Variants in SLCO1B3 observed in about 807,000 individuals in gnomAD.
SLCO1B3 encodes the protein liver-specific organic anion transporter 2.
SLCO1B3 carries 72 observed loss-of-function variants against 71.8 expected under a neutral mutation model. That is an observed-to-expected ratio of 1.00 (90% CI 0.83 to 1.22). The LOEUF is 1.22. SLCO1B3 is among the 50% of genes most tolerant of loss of function. SLCO1B3 has a pLI of 0.00. For missense variants in SLCO1B3, 911 were observed against 819.7 expected (o/e 1.11, Z -1.36); for synonymous variants, 298 against 278.4 (o/e 1.07, Z -0.70).
chr12:20,855,041 C>G lies in SLCO1B3; in HGVS notation c.98C>G (p.Ala33Gly), dbSNP rs1865104895. 1 of 1,610,518 alleles carries G rather than the reference C, an allele frequency of 6.2e-7. No homozygotes were observed. The highest frequency in any genetic ancestry group is 8.5e-7 in the Non-Finnish European group (1 of 1,179,478). The change falls in exon 4 of 16, where the codon GCC becomes GGC. Residue 33 changes from alanine (A) to glycine (G), a missense_variant. By Grantham distance (60) the Ala-to-Gly change is moderately conservative. Coordinates refer to ENST00000381545, the MANE Select transcript of SLCO1B3 (RefSeq NM_019844.4). ...TATTGTTTTTAGATGTTCTTGGCAG[C>G]CCTGTCATTCAGCTATATTGCTAAA... is the stretch of plus-strand genomic sequence containing the variant. ...RCNGFKMFLA[A>G]LSFSYIAKAL...
At position 20,810,781 on chromosome 12, in the gene SLCO1B3, T is replaced by C. The variant is rs1046017227; in HGVS notation, c.-181+17T>C. On this transcript the variant is annotated intron_variant, in intron 1 of 15. Transcript: ENST00000381545. Reference sequence around the variant, plus strand: ...AAAGTCAAGGTAAGAACCGTCGAGGTTGTCTAATTAAAACATTTCTTTTAT... The same window carrying C: ...AAAGTCAAGGTAAGAACCGTCGAGGCTGTCTAATTAAAACATTTCTTTTAT... 1.3e-5 allele frequency: 2 copies of C among 152,096 alleles called. No homozygotes were observed. Among genetic ancestry groups the C allele is most frequent in the Non-Finnish European group, 2.9e-5 (2 of 68,008 alleles). 9.4% of individuals were successfully genotyped at this position (152,096 alleles called of 1,614,324 possible).
intron 8 of SLCO1B3, among the ~76,000 whole-genome samples, chr12:20,865,756 A>G (rs150869097): frequency 1.2e-3 from 186 of 152,264 alleles, no homozygotes; most frequent in African/African-American, 4.4e-3. Flanking sequence ...ATAATTTACT[A>G]CAATAAAATA....
intron 3 of SLCO1B3, among the ~76,000 whole-genome samples, chr12:20,817,761 T>TTG (rs1864217041): frequency 6.6e-6 from 1 of 151,902 alleles, no homozygotes; most frequent in African/African-American, 2.4e-5. Flanking sequence ...CTAATTTTTT[T>TTG]TTTTATTTGT....
chr12:20,826,971 G>A (rs1466356936), intron 3 of SLCO1B3, among the ~76,000 whole-genome samples: 1 of 152,104 alleles, frequency 6.6e-6, no homozygotes, highest in African/African-American at 2.4e-5. Context: ...ATCATTTAAA[G>A]TTATTTGTCT....
chr12:20,853,216 T>C lies in SLCO1B3; in HGVS notation c.85-1812T>C, dbSNP rs574561848. ...AATATTCACCAGGAATATTTTTCTG[T>C]AGTTTTCTTTTTTTCTGTCTTTATG... On this transcript the variant is annotated intron_variant, in intron 3 of 15. Coordinates refer to ENST00000381545, the MANE Select transcript of SLCO1B3 (RefSeq NM_019844.4). Among the ~76,000 whole-genome samples, 16 of 152,220 alleles carry C rather than the reference T, an allele frequency of 1.1e-4. No homozygotes were observed. In the East Asian group the frequency reaches 2.9e-3, roughly 28 times the overall value.
In SLCO1B3 at chr12:20,880,956, G is replaced by A. The variant is rs745782791; in HGVS notation, c.1433G>A (p.Gly478Glu). 3.7e-6 allele frequency: 6 copies of A among 1,612,578 alleles called. No individual in the cohort carries two copies. The highest frequency in any genetic ancestry group is 5.1e-6 in the Non-Finnish European group (6 of 1,178,824). ...SQWEPVCGNNGITYLSPCLAG... is the reference protein window; with the variant it reads ...SQWEPVCGNNEITYLSPCLAG... ...TGGGAACCAGTCTGTGGGAACAATG[G>A]AATAACTTACCTGTCACCTTGTCTA... is the stretch of plus-strand genomic sequence containing the variant. The change falls in exon 12 of 16, where the codon GGA becomes GAA. Residue 478 changes from glycine to glutamate, a missense_variant. By Grantham distance (98) the Gly-to-Glu change is moderately conservative. Transcript: ENST00000381545.
intron 11 of SLCO1B3, 86 bp from the exon 12 acceptor site, chr12:20,880,769 T>C: frequency 1.2e-6 from 1 of 809,380 alleles, no homozygotes; most frequent in Non-Finnish European, 1.8e-6. Flanking sequence ...CTATTTCCCC[T>C]CTCCTTATCC....
At chr12:20,907,816 T>G (rs1866284978) in intron 15 of SLCO1B3, among the ~76,000 whole-genome samples, 1 of 151,994 alleles carries the variant, frequency 6.6e-6, no homozygotes, top group Admixed American at 6.6e-5. Context: ...GCTGGGAGAT[T>G]TCATTTCTAT....
intron 3 of SLCO1B3, among the ~76,000 whole-genome samples, chr12:20,824,578 A>G (rs998950035): frequency 1.4e-4 from 22 of 152,164 alleles, no homozygotes; most frequent in African/African-American, 5.3e-4. Flanking sequence ...GCATACAGCA[A>G]TTTTCCATAA....
intron 13 of SLCO1B3, among the ~76,000 whole-genome samples, chr12:20,887,912 G>T (rs1218236293): frequency 6.6e-6 from 1 of 151,752 alleles, no homozygotes; most frequent in African/African-American, 2.4e-5. Flanking sequence ...TATGGTGAGA[G>T]ATACGGGTTC....
intron 3 of SLCO1B3, among the ~76,000 whole-genome samples, chr12:20,833,215 A>T (rs1385765796): frequency 6.6e-6 from 1 of 152,006 alleles, no homozygotes; most frequent in Non-Finnish European, 1.5e-5. Flanking sequence ...AGGTCAAGTC[A>T]ATCTCTTTGT....
chr12:20,834,408 T>C (rs1864627151), intron 3 of SLCO1B3, among the ~76,000 whole-genome samples: 3 of 146,376 alleles, frequency 2.0e-5, no homozygotes, highest in South Asian at 4.2e-4. Context: ...ATATATAATA[T>C]AACCTTTGGT....
chr12:20,854,206 T>C (rs1865084183), intron 3 of SLCO1B3, among the ~76,000 whole-genome samples: 1 of 152,186 alleles, frequency 6.6e-6, no homozygotes. Flanking sequence ...GCTCTATTTG[T>C]CTGTTAGGTT....
At chr12:20,863,514 C>A (rs1397976862) in intron 8 of SLCO1B3, among the ~76,000 whole-genome samples, 1 of 152,152 alleles carries the variant, frequency 6.6e-6, no homozygotes, top group Non-Finnish European at 1.5e-5. Flanking sequence ...TATACCTTCA[C>A]CATATCCATA....
intron 3 of SLCO1B3, among the ~76,000 whole-genome samples, chr12:20,850,261 TTTATTTA>T (rs1864998715): frequency 3.3e-5 from 4 of 119,620 alleles, no homozygotes; most frequent in Admixed American, 1.6e-4. Flanking sequence ...TATTATTTTA[TTTATTTA>T]TTTATTTATT....
Position 20,861,137 on chromosome 12 carries a change from AG to A in SLCO1B3, c.481+1del. The A allele has an allele frequency of 1.3e-6, 2 of 1,578,742 alleles. No homozygotes were observed. The highest frequency in any genetic ancestry group is 1.7e-6 in the Non-Finnish European group (2 of 1,164,220). ...GAACATCACCTGAGATAGTAGAAAA[AG>A]GTAAGAATTAATAGTGACAGTAAAA... ...NGTSPEIVEKDCVKESGSHMW... is the reference protein window; with the variant it reads ...NGTSPEIVEKXCVKESGSHMW... On this transcript the variant is annotated frameshift_variant and splice_region_variant, in exon 6 of 16. Coordinates refer to ENST00000381545, the MANE Select transcript of SLCO1B3 (RefSeq NM_019844.4). LOFTEE classifies it high-confidence loss of function.
intron 3 of SLCO1B3, among the ~76,000 whole-genome samples, chr12:20,824,977 C>A (rs186748305): frequency 1.8e-4 from 28 of 152,064 alleles, no homozygotes; most frequent in African/African-American, 6.5e-4. Context: ...AGGCAAAAAT[C>A]TTTATTTTTT....
rs1865648091 is a variant in SLCO1B3, at chr12:20,879,490, T to C, written c.1190T>C (p.Ile397Thr). ...ATGMFLGGFI[I>T]KKFKLSLVGI... is the part of the protein sequence containing the mutation. ...GGAATGTTTTTAGGAGGATTTATCA[T>C]TAAAAAATTCAAATTGTCTTTAGTT... Residue 397 changes from isoleucine (I) to threonine (T), a missense_variant, in exon 11 of 16, where the codon ATT becomes ACT. Coordinates refer to ENST00000381545, the MANE Select transcript of SLCO1B3 (RefSeq NM_019844.4). The C allele has an allele frequency of 6.2e-7, 1 of 1,611,622 alleles. No individual in the cohort carries two copies. Among genetic ancestry groups the C allele is most frequent in the Non-Finnish European group, 8.5e-7 (1 of 1,177,964 alleles).
chr12:20,876,511 C>T (rs1056647683), intron 9 of SLCO1B3, among the ~76,000 whole-genome samples: 7 of 151,988 alleles, frequency 4.6e-5, no homozygotes, highest in Admixed American at 1.3e-4. Context: ...TTGTTATTTT[C>T]TCCTCTCCAC....
Sources: allele counts gnomAD v4.1 joint callset (sites outside exome capture counted in the v4.1 genomes callset), GRCh38; gene constraint gnomAD v4.1.1; transcripts MANE v1.5; gene names NCBI Gene and HGNC (gene_info 2026-07-23, HGNC 2026-07-21).